The following RBFOX1 variants were observed in gnomAD, a reference collection of about 807,000 sequenced individuals.
The protein encoded by RBFOX1 is RNA binding protein fox-1 homolog 1.
In RBFOX1, 8 loss-of-function variants were observed where a neutral mutation model predicts 57.7. The ratio of observed to expected loss-of-function variants is 0.14; its 90% CI spans 0.08 to 0.25. The LOEUF is 0.25. Among genes scored for constraint, RBFOX1 ranks in the 10% least tolerant of loss-of-function variants. The probability of loss-of-function intolerance (pLI) is 1.00; values close to 1 mark genes in which losing one functional copy is unlikely to be tolerated. For missense variants in RBFOX1, 611 were observed against 548.5 expected (o/e 1.11, Z -1.14); for synonymous variants, 326 against 222.4 (o/e 1.47, Z -4.15).
intron 1 of RBFOX1, among the ~76,000 whole-genome samples, chr16:5,462,168 C>CT (rs1250754827): frequency 0.092 from 3,727 of 40,416 alleles, 242 homozygotes; most frequent in African/African-American, 0.22. Context: ...TTCTTTCTTT[C>CT]TTTTTTTTTT....
At chr16:5,659,748 A>G (rs895192375) in intron 3 of RBFOX1, among the ~76,000 whole-genome samples, 8 of 152,232 alleles carry the variant, frequency 5.3e-5, no homozygotes, top group Non-Finnish European at 1.5e-5. Flanking sequence ...AGTTTCGTCC[A>G]GTTACCAAGG....
intron 1 of RBFOX1, among the ~76,000 whole-genome samples, chr16:6,052,092 C>T (rs966249534): frequency 2.6e-5 from 4 of 152,158 alleles, no homozygotes; most frequent in African/African-American, 9.6e-5. Flanking sequence ...AAAACCAAAA[C>T]TGGTCCTGCC....
rs139407166 is a variant in RBFOX1 at position 5,676,772 on chromosome 16, G to A, written c.318+77811G>A. Among the ~76,000 whole-genome samples the A allele has an allele frequency of 4.2e-3, 646 of 152,158 alleles. 5 individuals are homozygous for A. Among genetic ancestry groups the A allele is most frequent in the Middle Eastern group, 0.024 (7 of 294 alleles). ...ACCTACTTAGGAAGCTAAAGCACGA[G>A]AATCCCTTGAACCTGGGAGACAAAG... On this transcript the variant is annotated intron_variant, in intron 3 of 19. Coordinates refer to the RBFOX1 transcript ENST00000641259.
intron 4 of RBFOX1, among the ~76,000 whole-genome samples, chr16:7,350,900 A>G (rs1299975772): frequency 6.6e-6 from 1 of 152,140 alleles, no homozygotes; most frequent in African/African-American, 2.4e-5. Flanking sequence ...TTAATTGTTA[A>G]TGACCCAAGA....
intron 3 of RBFOX1, among the ~76,000 whole-genome samples, chr16:5,628,751 G>A (rs999827971): frequency 6.6e-6 from 1 of 152,166 alleles, no homozygotes; most frequent in Admixed American, 6.6e-5. Context: ...CAAGTTCCAA[G>A]GGCAGGATTT....
chr16:6,369,196 A>G (rs1483797720), intron 2 of RBFOX1, among the ~76,000 whole-genome samples: 2 of 152,310 alleles, frequency 1.3e-5, no homozygotes, highest in African/African-American at 4.8e-5. Context: ...TACATCTTGT[A>G]TTAAGTAATA....
At chr16:6,505,846 G>T (rs1471024395) in intron 2 of RBFOX1, among the ~76,000 whole-genome samples, 1 of 152,322 alleles carries the variant, frequency 6.6e-6, no homozygotes, top group African/African-American at 2.4e-5. Flanking sequence ...GTCCTACTCA[G>T]TGTTGGGGTA....
chr16:7,031,832 G>A (rs545555616), intron 3 of RBFOX1, among the ~76,000 whole-genome samples: 3 of 152,234 alleles, frequency 2.0e-5, no homozygotes, highest in Non-Finnish European at 4.4e-5. Flanking sequence ...AAGCCAACGT[G>A]GTCCTTGCTG....
intron 3 of RBFOX1, among the ~76,000 whole-genome samples, chr16:6,869,901 A>G (rs115680849): frequency 6.6e-6 from 1 of 152,164 alleles, no homozygotes; most frequent in Non-Finnish European, 1.5e-5. Flanking sequence ...AGTAAAAGCA[A>G]TTCAAAGCCA....
chr16:7,663,699 G>C (rs912405821), intron 12 of RBFOX1, among the ~76,000 whole-genome samples: 1 of 152,108 alleles, frequency 6.6e-6, no homozygotes, highest in Non-Finnish European at 1.5e-5. Context: ...AAGTCATCTA[G>C]AAACATCATG....
chr16:5,781,419 A>C (rs1030449084), intron 3 of RBFOX1, among the ~76,000 whole-genome samples: 1 of 152,204 alleles, frequency 6.6e-6, no homozygotes, highest in Non-Finnish European at 1.5e-5. Context: ...TTTACAATGT[A>C]GTAAGTAACT....
At chr16:5,903,880 C>T (rs926294898) in intron 4 of RBFOX1, among the ~76,000 whole-genome samples, 1 of 152,126 alleles carries the variant, frequency 6.6e-6, no homozygotes, top group Non-Finnish European at 1.5e-5. Context: ...GGTGCAAGCC[C>T]TGCATGTGCT....
At chr16:5,536,228 CTTTTT>C (rs57061495) in intron 2 of RBFOX1, among the ~76,000 whole-genome samples, 22 of 103,534 alleles carry the variant, frequency 2.1e-4, no homozygotes, top group African/African-American at 5.6e-4. Flanking sequence ...AATCTCCTGT[CTTTTT>C]TTTTTTTTTT....
chr16:6,181,921 C>A (rs977100391), intron 1 of RBFOX1, among the ~76,000 whole-genome samples: 2 of 17,516 alleles, frequency 1.1e-4, no homozygotes, highest in Non-Finnish European at 5.0e-4. Context: ...GGCTCAGTTT[C>A]CATCGATGGG....
At chr16:6,199,112 GA>G (rs945101430) in intron 1 of RBFOX1, among the ~76,000 whole-genome samples, 12 of 151,652 alleles carry the variant, frequency 7.9e-5, no homozygotes, top group African/African-American at 2.9e-4. Flanking sequence ...TTTTCTTATT[GA>G]AAAAAATATT....
At chr16:7,285,718 C>G (rs1356422339) in intron 4 of RBFOX1, among the ~76,000 whole-genome samples, 1 of 152,140 alleles carries the variant, frequency 6.6e-6, no homozygotes, top group Non-Finnish European at 1.5e-5. Flanking sequence ...ATAACTTATT[C>G]CTTTTCATTG....
chr16:6,862,976 C>G (rs541031373), intron 3 of RBFOX1, among the ~76,000 whole-genome samples: 1 of 102,984 alleles, frequency 9.7e-6, no homozygotes, highest in Non-Finnish European at 2.6e-5. Flanking sequence ...CAGAGGGAGA[C>G]TCTGTCTAAA....
intron 4 of RBFOX1, among the ~76,000 whole-genome samples, chr16:7,285,953 T>A (rs1023032194): frequency 2.0e-5 from 3 of 152,230 alleles, no homozygotes; most frequent in Admixed American, 6.5e-5. Flanking sequence ...ATTTTTAAAC[T>A]GAGTCTCTGC....
In RBFOX1 at chr16:7,202,050, C is replaced by G. The variant is rs895086734; in HGVS notation, c.27+149952C>G. 3.3e-5 allele frequency among the ~76,000 whole-genome samples: 5 copies of G among 152,106 alleles called. No individual in the cohort carries two copies. The South Asian group carries it at 8.3e-4, about 25-fold the overall frequency. ...TGACTTTGGAAGATCCTCCCATGGT[C>G]TTTCTCCTAGAGCCGCTTAACTGTC... On this transcript the variant is annotated intron_variant, in intron 4 of 15. Transcript: ENST00000550418.
Sources: allele counts gnomAD v4.1 joint callset (sites outside exome capture counted in the v4.1 genomes callset), GRCh38; gene constraint gnomAD v4.1.1; transcripts MANE v1.5; gene names NCBI Gene and HGNC (gene_info 2026-07-23, HGNC 2026-07-21).